MEGF6: variants seen among roughly 807,000 people sequenced by gnomAD.
MEGF6 encodes the protein multiple EGF like domains 6.
A neutral mutation model predicts 207.1 loss-of-function variants in MEGF6; 184 were observed. That is an observed-to-expected ratio of 0.89 (90% CI 0.79 to 1.00). The LOEUF is 1.00. MEGF6 is among the 50% of genes least tolerant of loss of function. The pLI, the probability that MEGF6 is intolerant of heterozygous loss-of-function variation, is 0.00. For synonymous variants in MEGF6, 1,038 were observed against 910.0 expected, an observed-to-expected ratio of 1.14 and a Z score of -2.53; for missense variants, 2,282 against 2,202.9, an observed-to-expected ratio of 1.04 and a Z score of -0.72.
chr1:3,506,328 C>T (rs1641118143), intron 14 of MEGF6, 92 bp from the exon 15 acceptor site: 1 of 1,468,706 alleles, frequency 6.8e-7, no homozygotes, highest in South Asian at 1.3e-5. Flanking sequence ...GGGCCCAGGG[C>T]CCAGCACAGG....
At position 3,492,644 on chromosome 1, in the gene MEGF6, C is replaced by A. The variant is rs368026837; in HGVS notation, c.4511G>T (p.Arg1504Leu). Reference protein sequence around the residue: ...CVDGYMGPTCREGGPLRLPEN... With the variant: ...CVDGYMGPTCLEGGPLRLPEN... ...CCCCAGGAAGCCCAGCTCACCTTCC[C>A]GGCACGTGGGCCCCATGTAGCCATC... is the stretch of plus-strand genomic sequence containing the variant. Residue 1504 changes from arginine (R) to leucine (L), a missense_variant, in exon 35 of 37, where the codon CGG (arginine) becomes CTG (leucine). Arg to Leu is a moderately radical substitution (Grantham distance 102, BLOSUM62 -2). Coordinates refer to ENST00000356575, the MANE Select transcript of MEGF6 (RefSeq NM_001409.4). 6.2e-7 allele frequency: 1 copy of A among 1,609,840 alleles called. No individual in the cohort carries two copies. The highest frequency in any genetic ancestry group is 2.2e-5 in the East Asian group (1 of 44,764).
At chr1:3,592,480 C>G (rs1411965394) in intron 3 of MEGF6, among the ~76,000 whole-genome samples, 3 of 152,164 alleles carry the variant, frequency 2.0e-5, no homozygotes, top group Non-Finnish European at 4.4e-5. Flanking sequence ...ACAGGAGAAG[C>G]ATCTGCTCAC....
chr1:3,496,069 C>G, intron 29 of MEGF6, 51 bp from the exon 30 acceptor site: 3 of 1,464,646 alleles, frequency 2.0e-6, no homozygotes, highest in South Asian at 1.4e-5. Context: ...TCTCCCTGCC[C>G]GGTCAACCCC....
At chr1:3,576,887 C>T (rs1643658630) in intron 4 of MEGF6, among the ~76,000 whole-genome samples, 2 of 148,400 alleles carry the variant, frequency 1.3e-5, no homozygotes, top group Admixed American at 1.3e-4. Flanking sequence ...GCACACCTGG[C>T]CCTGCACACT....
chr1:3,492,545 C>T (rs1640415123), intron 35 of MEGF6, 94 bp downstream of exon 35: 9 of 1,551,748 alleles, frequency 5.8e-6, no homozygotes, highest in Middle Eastern at 2.1e-4. Context: ...CGGCCAACTC[C>T]GCAGTGGGTG....
chr1:3,540,188 C>T (rs1273202050), intron 4 of MEGF6, among the ~76,000 whole-genome samples: 2 of 152,254 alleles, frequency 1.3e-5, no homozygotes, highest in Non-Finnish European at 2.9e-5. Flanking sequence ...CTATTATTTT[C>T]CCGGCTTGGC....
At chr1:3,579,741 G>T in intron 4 of MEGF6, 84 bp downstream of exon 4, 1 of 956,100 alleles carries the variant, frequency 1.0e-6, no homozygotes, top group Non-Finnish European at 1.5e-6. Context: ...CTGTGCTGGG[G>T]ACGGCCAGTG....
chr1:3,571,804 C>CCTGGGTGTGCTGGGTCCTG (rs375818292), intron 4 of MEGF6, among the ~76,000 whole-genome samples: 2 of 140,502 alleles, frequency 1.4e-5, no homozygotes, highest in Non-Finnish European at 3.1e-5. Context: ...GCTGGGTCCT[C>CCTGGGTGTGCTGGGTCCTG]CTGGGTGTGC....
chr1:3,596,878 G>A (rs1385117973), intron 2 of MEGF6, among the ~76,000 whole-genome samples: 2 of 151,960 alleles, frequency 1.3e-5, no homozygotes, highest in African/African-American at 4.8e-5. Context: ...GGAGGTGGGG[G>A]CACCCCAGCC....
rs1265838411 is a variant in MEGF6 at position 3,496,646 on chromosome 1, G to C, written c.3742+9C>G. ...GCGCCACTCAGCACTGCTGCCACCAGCCACTCACTGAGGTTGCAGTCCGTC... is the reference window on the plus strand; with the variant it reads ...GCGCCACTCAGCACTGCTGCCACCACCCACTCACTGAGGTTGCAGTCCGTC... On this transcript the variant is annotated intron_variant, in intron 29 of 36. Coordinates refer to ENST00000356575, the MANE Select transcript of MEGF6 (RefSeq NM_001409.4). The C allele has an allele frequency of 6.4e-7, 1 of 1,574,336 alleles. No individual in the cohort carries two copies. Among genetic ancestry groups the C allele is most frequent in the Non-Finnish European group, 8.6e-7 (1 of 1,160,622 alleles).
chr1:3,525,049 A>T (rs1326315898), intron 4 of MEGF6, among the ~76,000 whole-genome samples: 1 of 152,228 alleles, frequency 6.6e-6, no homozygotes. Flanking sequence ...TATAGTTTGT[A>T]GCCACCCCGT....
intron 4 of MEGF6, among the ~76,000 whole-genome samples, chr1:3,564,500 C>T (rs1027637822): frequency 6.6e-6 from 1 of 152,076 alleles, no homozygotes; most frequent in African/African-American, 2.4e-5. Flanking sequence ...CTCACATCTA[C>T]TGGAGCCCAA....
At chr1:3,490,711 G>GGTGGGGCCCAC (rs1476718627) in intron 36 of MEGF6, 122 bp from the exon 37 acceptor site, 10 of 1,184,010 alleles carry the variant, frequency 8.4e-6, no homozygotes, top group South Asian at 1.4e-5. Context: ...CCAGCAGGTG[G>GGTGGGGCCCAC]GTGGGGCCCA....
chr1:3,608,961 C>A (rs749064535), intron 1 of MEGF6, among the ~76,000 whole-genome samples: 23 of 152,204 alleles, frequency 1.5e-4, no homozygotes, highest in Non-Finnish European at 2.5e-4. Context: ...TCGCTGCCTC[C>A]GACAGCGTCT....
upstream of MEGF6, among the ~76,000 whole-genome samples, chr1:3,615,837 C>A (rs1366301468): frequency 6.6e-6 from 1 of 152,226 alleles, no homozygotes; most frequent in Non-Finnish European, 1.5e-5. Context: ...TGGTGGGGCA[C>A]CCAGGCCACC....
At chr1:3,575,607 C>T (rs903216695) in intron 4 of MEGF6, among the ~76,000 whole-genome samples, 2 of 140,352 alleles carry the variant, frequency 1.4e-5, no homozygotes, top group African/African-American at 2.7e-5. Flanking sequence ...ACAATCATGG[C>T]AGAAGGCAAG....
In MEGF6 at chr1:3,497,545, G is replaced by A. The variant is rs542082542; in HGVS notation, c.3353-184C>T. The A allele has an allele frequency of 5.0e-5, 41 of 824,872 alleles. No individual in the cohort carries two copies. In the African/African-American group the frequency reaches 5.6e-4, roughly 11 times the overall value. 51.1% of individuals were successfully genotyped at this position (824,872 alleles called of 1,614,324 possible). A position where few individuals can be genotyped will look rare whatever the true frequency, so the allele number is the denominator to read the frequency against. ...CCGGAGGGCAGAGGCAGGCCCCGGT[G>A]GCAAGGTGGCAGGGGCCTCCCCACC... On this transcript the variant is annotated intron_variant, in intron 26 of 36. Transcript: ENST00000356575.
At chr1:3,553,304 C>T (rs1377033609) in intron 4 of MEGF6, among the ~76,000 whole-genome samples, 1 of 152,064 alleles carries the variant, frequency 6.6e-6, no homozygotes, top group Non-Finnish European at 1.5e-5. Context: ...ACCCTGTGAG[C>T]CTGGCGCCTC....
At chr1:3,521,102 G>T (rs569214215) in intron 5 of MEGF6, among the ~76,000 whole-genome samples, 1 of 152,274 alleles carries the variant, frequency 6.6e-6, no homozygotes, top group Non-Finnish European at 1.5e-5. Context: ...AGCCCCAGGC[G>T]GGGTCACGAC....
Sources: gnomAD v4.1 joint callset for allele counts (sites outside exome capture counted in the v4.1 genomes callset) on GRCh38, gnomAD v4.1.1 for gene constraint, MANE v1.5 for transcripts, NCBI Gene and HGNC (gene_info 2026-07-23, HGNC 2026-07-21) for gene names.